The following DOCK4 variants were observed in gnomAD, a reference collection of about 807,000 sequenced individuals.
The protein encoded by DOCK4 is dedicator of cytokinesis protein 4.
A neutral mutation model predicts 268.1 loss-of-function variants in DOCK4; 97 were observed. That is an observed-to-expected ratio of 0.36 (90% CI 0.31 to 0.43). DOCK4 has a LOEUF of 0.43. Among genes scored for constraint, DOCK4 ranks in the 20% least tolerant of loss-of-function variants. The pLI, the probability that DOCK4 is intolerant of heterozygous loss-of-function variation, is 1.00. For missense variants in DOCK4, 2,145 were observed against 2,455.7 expected, an observed-to-expected ratio of 0.87 and a Z score of 2.67; for synonymous variants, 954 against 887.2, an observed-to-expected ratio of 1.08 and a Z score of -1.34.
intron 1 of DOCK4, among the ~76,000 whole-genome samples, chr7:112,131,668 A>C (rs765083159): frequency 6.6e-6 from 1 of 152,208 alleles, no homozygotes; most frequent in Non-Finnish European, 1.5e-5. Flanking sequence ...CAACATATTT[A>C]TCAGGTGCCT....
At chr7:111,998,401 A>G (rs1163869172) in intron 4 of DOCK4, 47 bp downstream of exon 4, 5 of 1,425,294 alleles carry the variant, frequency 3.5e-6, no homozygotes, top group Non-Finnish European at 4.8e-6. Context: ...AAAAGAAGCA[A>G]AGGCTCTGTG....
At chr7:112,085,737 T>A (rs1414631507) in intron 1 of DOCK4, among the ~76,000 whole-genome samples, 1 of 152,144 alleles carries the variant, frequency 6.6e-6, no homozygotes, top group Non-Finnish European at 1.5e-5. Flanking sequence ...AGGGAAAGCT[T>A]GATAGAGAAC....
chr7:112,050,644 C>CAGAG (rs142683638), intron 1 of DOCK4, among the ~76,000 whole-genome samples: 2 of 150,448 alleles, frequency 1.3e-5, no homozygotes, highest in African/African-American at 4.9e-5. Flanking sequence ...AAGAGTCTGA[C>CAGAG]AGAGAGAGAG....
At chr7:111,775,983 T>A (rs1344097478) in intron 36 of DOCK4, among the ~76,000 whole-genome samples, 1 of 152,186 alleles carries the variant, frequency 6.6e-6, no homozygotes, top group Non-Finnish European at 1.5e-5. Context: ...ATTCTGCATA[T>A]GAAGTCAGAC....
Position 111,728,645 on chromosome 7 carries a change from A to AC in DOCK4, c.5556dup (p.Ser1853ValfsTer23). The AC allele has an allele frequency of 6.2e-7, 1 of 1,614,016 alleles. No homozygotes were observed. The highest frequency in any genetic ancestry group is 8.5e-7 in the Non-Finnish European group (1 of 1,179,888). On this transcript the variant is annotated frameshift_variant, in exon 53 of 53. Transcript: ENST00000428084. LOFTEE classifies it high-confidence loss of function. ...GAAATCCCACTGCTGTAGCTGCCCG[A>AC]CAAGACAGGGGAGTTGGAGATGAGT...
intron 1 of DOCK4, among the ~76,000 whole-genome samples, chr7:112,083,621 A>G (rs1020143476): frequency 6.6e-6 from 1 of 152,030 alleles, no homozygotes; most frequent in African/African-American, 2.4e-5. Flanking sequence ...ACAAAGCTTC[A>G]CTCCCCAGAA....
chr7:111,824,481 A>G (rs1403832826), intron 26 of DOCK4, among the ~76,000 whole-genome samples: 1 of 152,142 alleles, frequency 6.6e-6, no homozygotes, highest in African/African-American at 2.4e-5. Flanking sequence ...AATAAATTCT[A>G]ACATGCTGAA....
intron 3 of DOCK4, among the ~76,000 whole-genome samples, chr7:111,998,821 A>T (rs1800182571): frequency 6.6e-6 from 1 of 152,212 alleles, no homozygotes; most frequent in African/African-American, 2.4e-5. Flanking sequence ...ACCATGTTAT[A>T]CTGAATAAGA....
chr7:111,995,776 CAG>C (rs1799910801), intron 4 of DOCK4, among the ~76,000 whole-genome samples: 1 of 152,100 alleles, frequency 6.6e-6, no homozygotes, highest in Non-Finnish European at 1.5e-5. Flanking sequence ...TTTTTCCCAA[CAG>C]AGTTTCATCT....
At chr7:111,804,796 C>T (rs1311371578) in intron 30 of DOCK4, among the ~76,000 whole-genome samples, 3 of 152,026 alleles carry the variant, frequency 2.0e-5, no homozygotes, top group South Asian at 2.1e-4. Flanking sequence ...GACGGGGTTT[C>T]GTCATGTTTG....
At chr7:111,859,061 C>A (rs569363043) in intron 23 of DOCK4, among the ~76,000 whole-genome samples, 1 of 152,292 alleles carries the variant, frequency 6.6e-6, no homozygotes, top group African/African-American at 2.4e-5. Context: ...ATCTGTCAGA[C>A]AGGTGGGAGT....
chr7:112,041,202 T>A (rs1804325838), intron 1 of DOCK4, among the ~76,000 whole-genome samples: 1 of 152,158 alleles, frequency 6.6e-6, no homozygotes, highest in Admixed American at 6.5e-5. Flanking sequence ...GAATGCCCAA[T>A]TATTATAATT....
chr7:111,983,884 A>ACT (rs1385382288), intron 7 of DOCK4, among the ~76,000 whole-genome samples: 2 of 151,096 alleles, frequency 1.3e-5, no homozygotes, highest in African/African-American at 4.9e-5. Context: ...ACACACACAC[A>ACT]CACTATATGT....
chr7:112,040,667 AT>A (rs1283780854), intron 1 of DOCK4, among the ~76,000 whole-genome samples: 3 of 152,220 alleles, frequency 2.0e-5, no homozygotes, highest in African/African-American at 7.2e-5. Context: ...CCACAAATAC[AT>A]TTCAATAAAT....
At chr7:111,896,359 T>TAAG (rs1808747377) in intron 15 of DOCK4, among the ~76,000 whole-genome samples, 1 of 152,180 alleles carries the variant, frequency 6.6e-6, no homozygotes, top group African/African-American at 2.4e-5. Flanking sequence ...GATGCCTAAT[T>TAAG]AAGAATTACA....
intron 51 of DOCK4, among the ~76,000 whole-genome samples, chr7:111,734,414 T>A (rs1298385214): frequency 6.6e-6 from 1 of 152,160 alleles, no homozygotes; most frequent in Non-Finnish European, 1.5e-5. Flanking sequence ...CCCAAACTTG[T>A]GAGTTCAAGT....
chr7:111,805,010 G>T (rs1181982128), intron 30 of DOCK4, among the ~76,000 whole-genome samples: 1 of 152,204 alleles, frequency 6.6e-6, no homozygotes, highest in Non-Finnish European at 1.5e-5. Flanking sequence ...CTGGAGACAG[G>T]TAGCATGACT....
In DOCK4 at chr7:111,898,794, GA is replaced by G. The variant is rs570768572; in HGVS notation, c.1480+1579del. Among the ~76,000 whole-genome samples, 1,123 of 152,202 alleles carry G rather than the reference GA, an allele frequency of 7.4e-3. 17 individuals carry two copies. The highest frequency in any genetic ancestry group is 0.026 in the African/African-American group (1,082 of 41,542). On this transcript the variant is annotated intron_variant, in intron 15 of 52. Transcript: ENST00000428084. ...TGACTTTTAATTATGAAGATTAAAA[GA>G]AAAAACCTATGAGGAATTTTTGCAG...
chr7:112,139,620 T>C (rs182424135), intron 1 of DOCK4, among the ~76,000 whole-genome samples: 58 of 152,290 alleles, frequency 3.8e-4, no homozygotes, highest in Non-Finnish European at 7.4e-4. Context: ...CTGATACTTC[T>C]GTAGCCAAGC....
Sources: gnomAD v4.1 joint callset for allele counts (sites outside exome capture counted in the v4.1 genomes callset) on GRCh38, gnomAD v4.1.1 for gene constraint, MANE v1.5 for transcripts, NCBI Gene and HGNC (gene_info 2026-07-23, HGNC 2026-07-21) for gene names.